APTX: variants seen among roughly 807,000 people sequenced by gnomAD.
APTX encodes the protein forkhead-associated domain histidine triad-like protein.
APTX carries 33 observed loss-of-function variants against 42.3 expected under a neutral mutation model. That is an observed-to-expected ratio of 0.78 (90% CI 0.59 to 1.04). APTX has a LOEUF of 1.04. APTX is among the 50% of genes least tolerant of loss of function. The pLI, the probability that APTX is intolerant of heterozygous loss-of-function variation, is 0.00. For missense variants in APTX, 421 were observed against 415.1 expected (o/e 1.01, Z -0.12); for synonymous variants, 130 against 146.7 (o/e 0.89, Z 0.82).
intron 1 of APTX, among the ~76,000 whole-genome samples, chr9:33,011,346 G>A (rs949947513): frequency 6.6e-6 from 1 of 151,146 alleles, no homozygotes; most frequent in Non-Finnish European, 1.5e-5. Flanking sequence ...AGAGTGCAGT[G>A]GCACGATCTT....
Position 32,987,631 on chromosome 9 carries a change from A to T in APTX, c.396T>A (p.Ala132=), listed in dbSNP as rs753537901. The change falls in exon 4 of 8, where the codon GCT becomes GCA. Residue 132 remains alanine (A), a synonymous_variant. Transcript: ENST00000379817. Reference sequence around the variant, plus strand: ...CAGGTTCCAGCCCTGTCCCAGCCTCAGCTTCCTGAGCAGCATCCCTTTCTA... The same window carrying T: ...CAGGTTCCAGCCCTGTCCCAGCCTCTGCTTCCTGAGCAGCATCCCTTTCTA... ...DSIERDAAQE[A]EAGTGLEPGS... The T allele has an allele frequency of 2.5e-6, 4 of 1,614,056 alleles. No homozygotes were observed. In the African/African-American group the frequency reaches 5.3e-5, roughly 22 times the overall value.
In APTX at chr9:32,987,638, T is replaced by C; in HGVS notation, c.389A>G (p.Gln130Arg). 2 of 1,614,232 alleles carry C rather than the reference T, an allele frequency of 1.2e-6. No homozygotes were observed. Among genetic ancestry groups the C allele is most frequent in the South Asian group, 2.2e-5 (2 of 91,090 alleles). The change falls in exon 4 of 8, where the codon CAG (glutamine) becomes CGG (arginine). Residue 130 changes from glutamine (Q) to arginine (R), a missense_variant. Transcript: ENST00000379817. ...NSDSIERDAA[Q>R]EAEAGTGLEP... ...CAGCCCTGTCCCAGCCTCAGCTTCC[T>C]GAGCAGCATCCCTTTCTATAGAATC...
At position 32,992,909 on chromosome 9, in the gene APTX, G is replaced by A. The variant is rs148573639; in HGVS notation, c.-4-3014C>T. On this transcript the variant is annotated intron_variant, in intron 1 of 7. Coordinates refer to ENST00000379817, the MANE Select transcript of APTX (RefSeq NM_001195248.2). ...AAACCTGGAGCCTCAAATGATGATGGTGTTATGGGCAGGTCCCACTTTTAA... is the reference window on the plus strand; with the variant it reads ...AAACCTGGAGCCTCAAATGATGATGATGTTATGGGCAGGTCCCACTTTTAA... Among the ~76,000 whole-genome samples, 181 of 152,342 alleles carry A rather than the reference G, an allele frequency of 1.2e-3. 1 individual carries two copies. The highest frequency in any genetic ancestry group is 2.2e-3 in the Non-Finnish European group (151 of 68,034).
intron 1 of APTX, among the ~76,000 whole-genome samples, chr9:33,017,089 A>T (rs2119278857): frequency 6.6e-6 from 1 of 152,346 alleles, no homozygotes; most frequent in Non-Finnish European, 1.5e-5. Context: ...CAAACCAAAC[A>T]ATTCTCTAAT....
In APTX at chr9:32,984,524, C is replaced by T. The variant is rs560904747; in HGVS notation, c.770+107G>A. ...CACCTGCTTTGGAAAAACTCCATCC[C>T]ACTTCCCTGGGTCTCAGTGCAATAT... On this transcript the variant is annotated intron_variant, in intron 6 of 7. Transcript: ENST00000379817. The T allele has an allele frequency of 7.7e-6, 9 of 1,174,726 alleles. No individual in the cohort carries two copies. The East Asian group carries it at 2.1e-4, about 28-fold the overall frequency. 72.8% of individuals were successfully genotyped at this position (1,174,726 alleles called of 1,614,324 possible). A position where few individuals can be genotyped will look rare whatever the true frequency, so the allele number is the denominator to read the frequency against.
At chr9:33,012,835 G>A (rs78400296) in intron 1 of APTX, among the ~76,000 whole-genome samples, 10,735 of 152,224 alleles carry the variant, frequency 0.071, 514 homozygotes, top group Non-Finnish European at 0.11. Flanking sequence ...CTCCCTTTTA[G>A]AAAAAGGGTG....
At chr9:33,001,274 G>T in intron 1 of APTX, 1 of 1,441,428 alleles carries the variant, frequency 6.9e-7, no homozygotes, top group Non-Finnish European at 9.2e-7. Flanking sequence ...CGCCTCCTTG[G>T]TTGGACAGGG....
At chr9:32,975,488 G>T (rs1331955852) in intron 6 of APTX, among the ~76,000 whole-genome samples, 1 of 152,088 alleles carries the variant, frequency 6.6e-6, no homozygotes, top group Non-Finnish European at 1.5e-5. Flanking sequence ...GATCACTTGA[G>T]GTCAGGAGTT....
intron 5 of APTX, among the ~76,000 whole-genome samples, chr9:32,985,396 G>A (rs557114986): frequency 2.6e-4 from 37 of 143,586 alleles, no homozygotes; most frequent in African/African-American, 7.9e-4. Context: ...GTACAATGGT[G>A]CAATCTCAGC....
chr9:33,010,670 G>T (rs1013809586), intron 1 of APTX, among the ~76,000 whole-genome samples: 2 of 150,936 alleles, frequency 1.3e-5, no homozygotes, highest in African/African-American at 4.9e-5. Flanking sequence ...AGTGAGCCAA[G>T]ATCATGCCAT....
At chr9:32,979,687 A>C (rs552878827) in intron 6 of APTX, 1 of 161,502 alleles carries the variant, frequency 6.2e-6, no homozygotes, top group Non-Finnish European at 1.4e-5. Context: ...CTCTCTGATG[A>C]CTTCTTTGGT....
rs1587470592 is a variant in APTX at position 32,987,665 on chromosome 9, CTG to C, written c.360_361del (p.Asn120LysfsTer2). ...AGCAGCATCCCTTTCTATAGAATCA[CTG>C]TTGCCTGATCTCTTTCTCTTCCTGT... On this transcript the variant is annotated frameshift_variant, in exon 4 of 8. Coordinates refer to ENST00000379817, the MANE Select transcript of APTX (RefSeq NM_001195248.2). LOFTEE classifies it high-confidence loss of function. 1.9e-6 allele frequency: 3 copies of C among 1,614,220 alleles called. No individual in the cohort carries two copies. In the East Asian group the frequency reaches 6.7e-5, roughly 36 times the overall value.
At chr9:32,996,577 T>C (rs1834999302) in intron 1 of APTX, among the ~76,000 whole-genome samples, 1 of 152,116 alleles carries the variant, frequency 6.6e-6, no homozygotes, top group Non-Finnish European at 1.5e-5. Flanking sequence ...GCCTAAGTCA[T>C]TCTTAATATG....
intron 6 of APTX, among the ~76,000 whole-genome samples, chr9:32,977,953 G>A (rs114778433): frequency 3.6e-3 from 541 of 152,264 alleles, no homozygotes; most frequent in African/African-American, 0.012. Context: ...CAAGTGTGTT[G>A]CTTTAAAAAT....
intron 1 of APTX, among the ~76,000 whole-genome samples, chr9:33,013,241 T>C (rs1357391574): frequency 6.6e-6 from 1 of 152,194 alleles, no homozygotes; most frequent in Non-Finnish European, 1.5e-5. Flanking sequence ...ACAATAACTC[T>C]ATGAGCTAGA....
At chr9:32,974,334 A>G (rs1828800606) in intron 7 of APTX, 124 bp downstream of exon 7, 1 of 706,712 alleles carries the variant, frequency 1.4e-6, no homozygotes, top group Non-Finnish European at 2.5e-6. Context: ...GGCTCGCTTT[A>G]TAGGGAACAC....
At chr9:33,014,563 G>A (rs994034046) in intron 1 of APTX, among the ~76,000 whole-genome samples, 16 of 134,644 alleles carry the variant, frequency 1.2e-4, no homozygotes, top group East Asian at 1.9e-4. Flanking sequence ...GCATAGCTGG[G>A]GAGCAGGACA....
chr9:33,019,496 G>A (rs10971336), intron 1 of APTX, among the ~76,000 whole-genome samples: 10,726 of 152,018 alleles, frequency 0.071, 514 homozygotes, highest in Non-Finnish European at 0.11. Flanking sequence ...CTTTTTAATA[G>A]TAGCTCAGTT....
At chr9:32,980,348 T>C in intron 6 of APTX, 1 of 171,474 alleles carries the variant, frequency 5.8e-6, no homozygotes. Flanking sequence ...GCTCCAGCTG[T>C]ATTCTTCTGC....
Sources: gnomAD v4.1 joint callset for allele counts (sites outside exome capture counted in the v4.1 genomes callset) on GRCh38, gnomAD v4.1.1 for gene constraint, MANE v1.5 for transcripts, NCBI Gene and HGNC (gene_info 2026-07-23, HGNC 2026-07-21) for gene names.